GALNTL6: variants seen among roughly 807,000 people sequenced by gnomAD.
GALNTL6 encodes the protein polypeptide N-acetylgalactosaminyltransferase-like 6.
Under a neutral mutation model 73.7 loss-of-function variants are expected in GALNTL6, and 46 were observed. The observed-to-expected ratio is 0.62, with a 90% confidence interval of 0.49 to 0.80. The LOEUF is 0.80. GALNTL6 is among the 30% of genes least tolerant of loss of function. The pLI is 0.00. For missense variants in GALNTL6, 604 were observed against 755.0 expected (o/e 0.80, Z 2.34); for synonymous variants, 259 against 263.7 (o/e 0.98, Z 0.17).
chr4:171,908,527 C>G (rs1452459582), intron 2 of GALNTL6, among the ~76,000 whole-genome samples: 3 of 152,000 alleles, frequency 2.0e-5, no homozygotes, highest in Non-Finnish European at 2.9e-5. Flanking sequence ...GAAATAGGAA[C>G]ACTTTTACAC....
intron 5 of GALNTL6, among the ~76,000 whole-genome samples, chr4:172,535,316 A>G: frequency 6.6e-6 from 1 of 152,216 alleles, no homozygotes; most frequent in East Asian, 1.9e-4. Flanking sequence ...CAGTTTATTC[A>G]TTCCAGTGAT....
chr4:172,673,352 T>C (rs1732096369), intron 5 of GALNTL6, among the ~76,000 whole-genome samples: 1 of 152,230 alleles, frequency 6.6e-6, no homozygotes, highest in Admixed American at 6.5e-5. Context: ...TGTTATGATT[T>C]CGGTTCTTTT....
At chr4:172,492,167 C>T (rs1315835513) in intron 5 of GALNTL6, among the ~76,000 whole-genome samples, 2 of 152,010 alleles carry the variant, frequency 1.3e-5, no homozygotes, top group African/African-American at 4.8e-5. Context: ...CTAACAAACC[C>T]TTTTATCAAA....
chr4:172,551,763 T>A (rs1219953572), intron 5 of GALNTL6, among the ~76,000 whole-genome samples: 2 of 152,104 alleles, frequency 1.3e-5, no homozygotes, highest in Non-Finnish European at 2.9e-5. Context: ...ATCTTTCTTT[T>A]AACATTGTAA....
intron 5 of GALNTL6, among the ~76,000 whole-genome samples, chr4:172,700,992 C>T (rs1187195728): frequency 6.6e-6 from 1 of 152,052 alleles, no homozygotes; most frequent in Non-Finnish European, 1.5e-5. Context: ...CCTGAGGCCT[C>T]ATGGAACGTG....
chr4:172,645,908 T>C (rs1044427360), intron 5 of GALNTL6, among the ~76,000 whole-genome samples: 17 of 152,062 alleles, frequency 1.1e-4, no homozygotes, highest in African/African-American at 4.1e-4. Flanking sequence ...CTCTGAGTCT[T>C]CAGAGATAAG....
chr4:172,300,815 T>G (rs1276472283), intron 3 of GALNTL6, among the ~76,000 whole-genome samples: 1 of 152,224 alleles, frequency 6.6e-6, no homozygotes, highest in African/African-American at 2.4e-5. Context: ...TTCCTTCATT[T>G]CAACTTTGGT....
intron 2 of GALNTL6, among the ~76,000 whole-genome samples, chr4:172,004,817 C>G (rs1037546578): frequency 2.6e-5 from 4 of 151,568 alleles, no homozygotes; most frequent in Admixed American, 1.3e-4. Context: ...GAATCACTCT[C>G]TTTCTAATCC....
rs182795599 is a variant in GALNTL6 at position 172,767,480 on chromosome 4, A to G, written c.554-41881A>G. ...CCCACTCCTCCACATAGCCTTGCACATCAACTACCTATGGCCACGTCACCT... is the reference window on the plus strand; with the variant it reads ...CCCACTCCTCCACATAGCCTTGCACGTCAACTACCTATGGCCACGTCACCT... On this transcript the variant is annotated intron_variant, in intron 5 of 12. Transcript: ENST00000506823. Among the ~76,000 whole-genome samples the G allele has an allele frequency of 3.1e-3, 477 of 152,270 alleles. 3 individuals are homozygous for G. Among genetic ancestry groups the G allele is most frequent in the African/African-American group, 0.011 (450 of 41,578 alleles).
chr4:172,359,643 T>G (rs1742294403), intron 5 of GALNTL6, among the ~76,000 whole-genome samples: 1 of 152,144 alleles, frequency 6.6e-6, no homozygotes, highest in Non-Finnish European at 1.5e-5. Flanking sequence ...CCCTTAAAAC[T>G]GGGACTTTCC....
intron 2 of GALNTL6, among the ~76,000 whole-genome samples, chr4:172,013,107 C>T (rs1239848312): frequency 2.0e-5 from 3 of 152,080 alleles, no homozygotes; most frequent in Non-Finnish European, 4.4e-5. Context: ...TACACATGTA[C>T]AATGTTTAAT....
At chr4:172,376,136 G>A (rs1199986792) in intron 5 of GALNTL6, among the ~76,000 whole-genome samples, 1 of 152,174 alleles carries the variant, frequency 6.6e-6, no homozygotes, top group Non-Finnish European at 1.5e-5. Context: ...TGATTAGTGA[G>A]CCCAGGTGCC....
At chr4:172,294,389 A>G (rs1211888623) in intron 3 of GALNTL6, among the ~76,000 whole-genome samples, 1 of 152,204 alleles carries the variant, frequency 6.6e-6, no homozygotes, top group Non-Finnish European at 1.5e-5. Context: ...AGTCCATGAC[A>G]TTCTGACAGT....
intron 5 of GALNTL6, among the ~76,000 whole-genome samples, chr4:172,501,976 G>A (rs879574064): frequency 6.6e-5 from 10 of 152,064 alleles, no homozygotes; most frequent in Non-Finnish European, 1.3e-4. Context: ...TGATTAGCAA[G>A]CATACATTTC....
At chr4:172,732,208 T>C (rs552918241) in intron 5 of GALNTL6, among the ~76,000 whole-genome samples, 1 of 152,300 alleles carries the variant, frequency 6.6e-6, no homozygotes, top group Admixed American at 6.5e-5. Context: ...GCTTCAAGTA[T>C]TTAGGAGCTC....
At chr4:172,447,357 G>C (rs969423841) in intron 5 of GALNTL6, among the ~76,000 whole-genome samples, 1 of 152,160 alleles carries the variant, frequency 6.6e-6, no homozygotes, top group African/African-American at 2.4e-5. Flanking sequence ...CTTCCTGGCT[G>C]TGTGGCTTTG....
intron 2 of GALNTL6, among the ~76,000 whole-genome samples, chr4:171,864,720 G>A (rs1172789496): frequency 7.2e-5 from 11 of 152,102 alleles, no homozygotes; most frequent in Non-Finnish European, 1.5e-4. Context: ...TACCTGCAAG[G>A]TACTGAAGGC....
intron 5 of GALNTL6, among the ~76,000 whole-genome samples, chr4:172,808,440 G>A (rs1012948272): frequency 6.6e-6 from 1 of 152,134 alleles, no homozygotes; most frequent in African/African-American, 2.4e-5. Flanking sequence ...AAAATACAGA[G>A]CATACAGCAT....
chr4:171,945,538 T>G (rs1738677499), intron 2 of GALNTL6, among the ~76,000 whole-genome samples: 1 of 152,130 alleles, frequency 6.6e-6, no homozygotes, highest in Admixed American at 6.6e-5. Flanking sequence ...TTCGTTTTCA[T>G]GCAAGTTCTA....
Sources: gnomAD v4.1 joint callset for allele counts (sites outside exome capture counted in the v4.1 genomes callset) on GRCh38, gnomAD v4.1.1 for gene constraint, MANE v1.5 for transcripts, NCBI Gene and HGNC (gene_info 2026-07-23, HGNC 2026-07-21) for gene names.